Variants in PECAM1 observed in about 807,000 individuals in gnomAD.
The protein encoded by PECAM1 is platelet endothelial cell adhesion molecule.
Under a neutral mutation model 13.8 loss-of-function variants are expected in PECAM1, and 8 were observed. That is an observed-to-expected ratio of 0.58 (90% CI 0.34 to 1.05). The LOEUF is 1.05. Ranked by LOEUF, PECAM1 falls within the 50% of genes least tolerant of loss-of-function variation. The pLI is 0.03. For synonymous variants in PECAM1, 136 were observed against 52.6 expected (o/e 2.58, Z -6.86); for missense variants, 304 against 141.2 (o/e 2.15, Z -5.84).
At chr17:64,388,497 A>C (rs1382408946) in intron 2 of PECAM1, among the ~76,000 whole-genome samples, 4 of 152,156 alleles carry the variant, frequency 2.6e-5, no homozygotes, top group Non-Finnish European at 4.4e-5. Flanking sequence ...TTCTCTTATC[A>C]TCCCCATGTT....
intron 14 of PECAM1, among the ~76,000 whole-genome samples, chr17:64,338,491 C>T (rs8070522): frequency 0.44 from 66,893 of 151,612 alleles, 15,012 homozygotes; most frequent in Non-Finnish European, 0.47. Flanking sequence ...CAAAAACCAT[C>T]TTTCCTTTGT....
intron 14 of PECAM1, among the ~76,000 whole-genome samples, chr17:64,341,068 C>G (rs1269499678): frequency 6.8e-6 from 1 of 146,024 alleles, no homozygotes; most frequent in African/African-American, 2.6e-5. Flanking sequence ...TGCACCCCAG[C>G]CTGGGCATCA....
chr17:64,358,413 C>T (rs990871540), intron 7 of PECAM1, among the ~76,000 whole-genome samples: 1 of 152,166 alleles, frequency 6.6e-6, no homozygotes, highest in African/African-American at 2.4e-5. Context: ...GCCACCGCAC[C>T]TGGCTGCGCA....
At chr17:64,340,162 AC>A (rs1379567544) in intron 14 of PECAM1, among the ~76,000 whole-genome samples, 1 of 152,162 alleles carries the variant, frequency 6.6e-6, no homozygotes, top group Non-Finnish European at 1.5e-5. Context: ...AAACAAAAAA[AC>A]AAAACAAAAC....
intron 10 of PECAM1, 129 bp from the exon 11 acceptor site, chr17:64,352,592 G>A (rs2035750463): frequency 7.7e-6 from 3 of 390,126 alleles, no homozygotes; most frequent in Non-Finnish European, 1.4e-5. Context: ...TCCAAGGTAA[G>A]GAAAACTTTA....
rs1288383955 is a variant in PECAM1, at chr17:64,360,247, G to A, written c.1385C>T (p.Ala462Val). ...TTCAGTGGGGTTGTCTTTGAATACC[G>A]CAGGATCATTTGAGTTCTTGGTACT... ...ENSTKNSNDP[A>V]VFKDNPTEDV... Residue 462 changes from alanine to valine, a missense_variant, in exon 7 of 16, where the codon GCG becomes GTG. Physicochemically the swap from Ala to Val is moderately conservative, Grantham distance 64. Transcript: ENST00000563924. 25 of 475,308 alleles carry A rather than the reference G, an allele frequency of 5.3e-5. No individual in the cohort carries two copies. Among genetic ancestry groups the A allele is most frequent in the Middle Eastern group, 6.0e-4 (1 of 1,660 alleles). The allele number at this position is 475,308 out of a possible 1,614,324, so 29.4% of individuals were successfully genotyped here. A position where few individuals can be genotyped will look rare whatever the true frequency, so the allele number is the denominator to read the frequency against.
At chr17:64,373,369 G>A (rs915627735) in intron 4 of PECAM1, among the ~76,000 whole-genome samples, 43 of 152,184 alleles carry the variant, frequency 2.8e-4, no homozygotes, top group Non-Finnish European at 4.9e-4. Flanking sequence ...GGGTTGCAGA[G>A]ATGGCCCATC....
chr17:64,386,121 T>C (rs1484157682), intron 2 of PECAM1, among the ~76,000 whole-genome samples: 4 of 152,118 alleles, frequency 2.6e-5, no homozygotes, highest in African/African-American at 9.7e-5. Context: ...AGGACTTGTT[T>C]CTGGGGTGTT....
chr17:64,377,082 A>G (rs2036375812), intron 3 of PECAM1, among the ~76,000 whole-genome samples: 1 of 152,188 alleles, frequency 6.6e-6, no homozygotes, highest in Non-Finnish European at 1.5e-5. Flanking sequence ...AATTGCCTGA[A>G]ATGGGTATCG....
intron 10 of PECAM1, among the ~76,000 whole-genome samples, chr17:64,353,268 C>T (rs2035768507): frequency 2.0e-5 from 3 of 151,388 alleles, no homozygotes; most frequent in East Asian, 3.9e-4. Context: ...AAAGCCATTC[C>T]TTCCCATGAA....
At chr17:64,337,920 T>A (rs1215232538) in intron 14 of PECAM1, among the ~76,000 whole-genome samples, 1 of 152,044 alleles carries the variant, frequency 6.6e-6, no homozygotes, top group Non-Finnish European at 1.5e-5. Flanking sequence ...TCCTTTTTTT[T>A]TTTTTTTGAG....
chr17:64,358,106 A>G (rs1347300743), intron 7 of PECAM1, among the ~76,000 whole-genome samples: 3 of 114,680 alleles, frequency 2.6e-5, no homozygotes, highest in Non-Finnish European at 3.7e-5. Flanking sequence ...TGATTTGGCC[A>G]CAGTCTTTTT....
At chr17:64,361,532 T>A (rs1415006800) in intron 6 of PECAM1, among the ~76,000 whole-genome samples, 1 of 151,754 alleles carries the variant, frequency 6.6e-6, no homozygotes, top group Non-Finnish European at 1.5e-5. Context: ...GGTGGGCAGA[T>A]CACCTGAGGT....
At position 64,323,647 on chromosome 17, in the gene PECAM1, A is replaced by T. The variant is rs2034862065; in HGVS notation, c.*169T>A. 6.8e-7 allele frequency: 1 copy of T among 1,477,588 alleles called. No homozygotes were observed. Among genetic ancestry groups the T allele is most frequent in the African/African-American group, 1.4e-5 (1 of 71,142 alleles). 91.5% of individuals were successfully genotyped at this position (1,477,588 alleles called of 1,614,324 possible). On this transcript the variant is annotated 3_prime_UTR_variant, in exon 16 of 16. Transcript: ENST00000563924. The stretch of plus-strand genomic sequence containing the variant: ...CTGTATCTCTTTCTACCCAACATTA[A>T]CTTAGCAGGATGGATTTAAGAACCG...
At chr17:64,373,722 G>T (rs1325700839) in intron 4 of PECAM1, among the ~76,000 whole-genome samples, 1 of 152,080 alleles carries the variant, frequency 6.6e-6, no homozygotes, top group Admixed American at 6.6e-5. Context: ...TTTATAATCA[G>T]ATAATAGAAC....
chr17:64,381,947 A>C (rs2036490552), intron 2 of PECAM1, among the ~76,000 whole-genome samples: 1 of 152,006 alleles, frequency 6.6e-6, no homozygotes, highest in Non-Finnish European at 1.5e-5. Flanking sequence ...CTAAAAATAC[A>C]AAATTAGCCG....
chr17:64,336,266 CAAA>C (rs118202513), intron 14 of PECAM1, among the ~76,000 whole-genome samples: 44 of 133,488 alleles, frequency 3.3e-4, no homozygotes, highest in Middle Eastern at 3.7e-3. Flanking sequence ...GACCCTGTCT[CAAA>C]AAAAAAAAAA....
At chr17:64,330,366 G>T (rs570936609) in intron 14 of PECAM1, among the ~76,000 whole-genome samples, 1 of 151,846 alleles carries the variant, frequency 6.6e-6, no homozygotes, top group South Asian at 2.1e-4. Context: ...ATCACGGCTG[G>T]GTGTGGTGGC....
chr17:64,345,327 C>T (rs1568014320), intron 13 of PECAM1, among the ~76,000 whole-genome samples: 1 of 152,130 alleles, frequency 6.6e-6, no homozygotes, highest in South Asian at 2.1e-4. Context: ...GGCTGTCCCT[C>T]CACAAGGGAG....
Sources: allele counts gnomAD v4.1 joint callset (sites outside exome capture counted in the v4.1 genomes callset), GRCh38; gene constraint gnomAD v4.1.1; transcripts MANE v1.5; gene names NCBI Gene and HGNC (gene_info 2026-07-23, HGNC 2026-07-21).